ANKRD13A: variants seen among roughly 807,000 people sequenced by gnomAD.
The protein encoded by ANKRD13A is ankyrin repeat domain-containing protein 13A.
Under a neutral mutation model 81.3 loss-of-function variants are expected in ANKRD13A, and 48 were observed. That is an observed-to-expected ratio of 0.59 (90% CI 0.47 to 0.75). ANKRD13A has a LOEUF of 0.75. Among genes scored for constraint, ANKRD13A ranks in the 30% least tolerant of loss-of-function variants. The pLI, the probability that ANKRD13A is intolerant of heterozygous loss-of-function variation, is 0.00. For missense variants in ANKRD13A, 612 were observed against 734.0 expected, an observed-to-expected ratio of 0.83 and a Z score of 1.92; for synonymous variants, 230 against 270.1, an observed-to-expected ratio of 0.85 and a Z score of 1.45.
Position 110,028,519 on chromosome 12 carries a change from C to A in ANKRD13A, c.953C>A (p.Thr318Asn). 1.2e-6 allele frequency: 2 copies of A among 1,614,086 alleles called. No individual in the cohort carries two copies. Among genetic ancestry groups the A allele is most frequent in the South Asian group, 1.1e-5 (1 of 91,078 alleles). Residue 318 changes from threonine to asparagine, a missense_variant, in exon 10 of 15, where the codon ACC becomes AAC. Transcript: ENST00000261739. The part of the protein sequence containing the change: ...EHQFGAQGDL[T>N]TECATANNPT... Reference sequence around the variant, plus strand: ...TGAGTTCTGGCTCAGCAGGACCTCACCACGGAATGTGCTACTGCAAACAAC... The same window carrying A: ...TGAGTTCTGGCTCAGCAGGACCTCAACACGGAATGTGCTACTGCAAACAAC...
At chr12:110,030,543 T>C in intron 11 of ANKRD13A, 102 bp from the exon 12 acceptor site, 2 of 561,736 alleles carry the variant, frequency 3.6e-6, no homozygotes, top group South Asian at 2.6e-5. Flanking sequence ...AATAAAATTA[T>C]ACTTATCAAA....
chr12:110,003,437 G>A (rs966742451), intron 1 of ANKRD13A, among the ~76,000 whole-genome samples: 2 of 152,212 alleles, frequency 1.3e-5, no homozygotes, highest in Admixed American at 6.5e-5. Flanking sequence ...GGTCATCGGG[G>A]GTTCAAGCTC....
Position 110,038,073 on chromosome 12 carries a change from T to C in ANKRD13A, c.*519T>C, listed in dbSNP as rs1892173371. Reference sequence around the variant, plus strand: ...ACCTTTTTACAGGGTTTCTAGGACATTGTCATTATTCTTCCTCCATCTATC... The same window carrying C: ...ACCTTTTTACAGGGTTTCTAGGACACTGTCATTATTCTTCCTCCATCTATC... On this transcript the variant is annotated 3_prime_UTR_variant, in exon 15 of 15. Coordinates refer to ENST00000261739, the MANE Select transcript of ANKRD13A (RefSeq NM_033121.2). The C allele has an allele frequency of 6.6e-6, 1 of 152,640 alleles. No individual in the cohort carries two copies. Among genetic ancestry groups the C allele is most frequent in the Non-Finnish European group, 1.5e-5 (1 of 68,198 alleles). The allele number at this position is 152,640 out of a possible 1,614,324, so 9.5% of individuals were successfully genotyped here.
rs143440630 is a variant in ANKRD13A at position 110,016,919 on chromosome 12, C to T, written c.400+486C>T. Among the ~76,000 whole-genome samples, 1,254 of 152,028 alleles carry T rather than the reference C, an allele frequency of 8.2e-3. 12 individuals carry two copies. Among genetic ancestry groups the T allele is most frequent in the Non-Finnish European group, 0.014 (933 of 67,966 alleles). ...TCCTGAGTAGCTGGGATTACAGGTG[C>T]GCGCCACTGTGCCCAGCTAATCTTT... On this transcript the variant is annotated intron_variant, in intron 4 of 14. Coordinates refer to ENST00000261739, the MANE Select transcript of ANKRD13A (RefSeq NM_033121.2).
At chr12:110,010,537 A>G (rs1890465755) in intron 1 of ANKRD13A, among the ~76,000 whole-genome samples, 1 of 152,196 alleles carries the variant, frequency 6.6e-6, no homozygotes, top group Non-Finnish European at 1.5e-5. Flanking sequence ...GGAATTCTCC[A>G]TCTCTTTGGT....
chr12:110,033,795 A>G lies in ANKRD13A; in HGVS notation c.1349-2A>G. 6.3e-7 allele frequency: 1 copy of G among 1,592,614 alleles called. No individual in the cohort carries two copies. Among genetic ancestry groups the G allele is most frequent in the Non-Finnish European group, 8.6e-7 (1 of 1,167,372 alleles). The stretch of plus-strand genomic sequence containing the variant: ...ACACTGGACGGTTGCCTTTTGTTTC[A>G]GCTTCCCACATCACAAACTTTGAGG... On this transcript the variant is annotated splice_acceptor_variant, in intron 12 of 14. Coordinates refer to ENST00000261739, the MANE Select transcript of ANKRD13A (RefSeq NM_033121.2). LOFTEE classifies it high-confidence loss of function.
At chr12:110,026,824 G>A (rs1891370644) in intron 8 of ANKRD13A, among the ~76,000 whole-genome samples, 1 of 152,146 alleles carries the variant, frequency 6.6e-6, no homozygotes, top group Non-Finnish European at 1.5e-5. Context: ...GGAGGTTGCT[G>A]TGAGCCAAGA....
chr12:110,004,114 C>T (rs1192712912), intron 1 of ANKRD13A, among the ~76,000 whole-genome samples: 3 of 151,248 alleles, frequency 2.0e-5, no homozygotes, highest in Non-Finnish European at 4.4e-5. Context: ...GCCAAAATCG[C>T]ACCATTGCAC....
chr12:110,038,450 A>G lies in ANKRD13A; in HGVS notation c.*896A>G, dbSNP rs182387760. 1 of 152,598 alleles carries G rather than the reference A, an allele frequency of 6.6e-6. No homozygotes were observed. Among genetic ancestry groups the G allele is most frequent in the Non-Finnish European group, 1.5e-5 (1 of 68,044 alleles). The allele number at this position is 152,598 out of a possible 1,614,324, so 9.5% of individuals were successfully genotyped here. Reference sequence around the variant, plus strand: ...CAAACCAGGTGTGTTCTACACCTGCATGAGTGAAGGATTTCCACGTAGACA... The same window carrying G: ...CAAACCAGGTGTGTTCTACACCTGCGTGAGTGAAGGATTTCCACGTAGACA... On this transcript the variant is annotated 3_prime_UTR_variant, in exon 15 of 15. Coordinates refer to ENST00000261739, the MANE Select transcript of ANKRD13A (RefSeq NM_033121.2).
At position 110,036,116 on chromosome 12, in the gene ANKRD13A, A is replaced by G. The variant is rs1222727136; in HGVS notation, c.1510-145A>G. On this transcript the variant is annotated intron_variant, in intron 13 of 14. Coordinates refer to ENST00000261739, the MANE Select transcript of ANKRD13A (RefSeq NM_033121.2). The surrounding 1 kb of genome is among the most constrained non-coding windows in gnomAD (Gnocchi z 4.6). ...TAGGTGTTGTTTTTGAGGTAACCCA[A>G]GTCCCTGTTAGCTTTTCACACAGCA... The G allele has an allele frequency of 4.1e-6, 3 of 735,696 alleles. No individual in the cohort carries two copies. The African/African-American group carries it at 5.2e-5, about 13-fold the overall frequency. The allele number at this position is 735,696 out of a possible 1,614,324, so 45.6% of individuals were successfully genotyped here.
intron 1 of ANKRD13A, among the ~76,000 whole-genome samples, chr12:110,002,333 A>T (rs1357297619): frequency 6.6e-6 from 1 of 152,030 alleles, no homozygotes; most frequent in African/African-American, 2.4e-5. Context: ...AAAAATTCTT[A>T]AGTCCGGGCA....
Position 110,018,536 on chromosome 12 carries a change from G to A in ANKRD13A, c.544+48G>A, listed in dbSNP as rs1365387679. On this transcript the variant is annotated intron_variant, in intron 5 of 14. Coordinates refer to ENST00000261739, the MANE Select transcript of ANKRD13A (RefSeq NM_033121.2). This position sits in a 1 kb window ranked among gnomAD's most constrained non-coding sequence, Gnocchi z 4.4. ...ATCACTGCTCAAGCAAAATTACAGGGTGATTTTTAACCAAGAAAATGCTTT... is the reference window on the plus strand; with the variant it reads ...ATCACTGCTCAAGCAAAATTACAGGATGATTTTTAACCAAGAAAATGCTTT... 6.3e-7 allele frequency: 1 copy of A among 1,587,486 alleles called. No homozygotes were observed. The highest frequency in any genetic ancestry group is 8.6e-7 in the Non-Finnish European group (1 of 1,162,118).
chr12:110,033,735 T>G, intron 12 of ANKRD13A, 62 bp from the exon 13 acceptor site: 1 of 1,441,246 alleles, frequency 6.9e-7, no homozygotes, highest in Non-Finnish European at 9.2e-7. Context: ...ACAACATTTT[T>G]GCAAAAAGTT....
intron 2 of ANKRD13A, 63 bp downstream of exon 2, chr12:110,012,200 C>T (rs1046414427): frequency 1.3e-6 from 2 of 1,510,652 alleles, no homozygotes; most frequent in African/African-American, 2.8e-5. Context: ...CCTGTCTCTA[C>T]AAAAAAATAT....
chr12:109,999,498 T>G lies in ANKRD13A; in HGVS notation c.-191T>G, dbSNP rs1438378325. 3.3e-6 allele frequency: 1 copy of G among 300,082 alleles called. No individual in the cohort carries two copies. Among genetic ancestry groups the G allele is most frequent in the Non-Finnish European group, 6.0e-6 (1 of 165,420 alleles). The allele number at this position is 300,082 out of a possible 1,614,324, so 18.6% of individuals were successfully genotyped here. ...GGGCGCGGGGTGGGCGCGGCCGACC[T>G]GGTCCCTGAGCCGGCCGGCGACCCC... On this transcript the variant is annotated 5_prime_UTR_variant, in exon 1 of 15. Coordinates refer to ENST00000261739, the MANE Select transcript of ANKRD13A (RefSeq NM_033121.2). The surrounding 1 kb of genome is among the most constrained non-coding windows in gnomAD (Gnocchi z 4.3).
In ANKRD13A at chr12:110,018,499, T is replaced by C. The variant is rs1217101813; in HGVS notation, c.544+11T>C. 1.2e-6 allele frequency: 2 copies of C among 1,611,654 alleles called. No individual in the cohort carries two copies. Among genetic ancestry groups the C allele is most frequent in the East Asian group, 4.5e-5 (2 of 44,822 alleles). On this transcript the variant is annotated intron_variant, in intron 5 of 14. Transcript: ENST00000261739. This position sits in a 1 kb window ranked among gnomAD's most constrained non-coding sequence, Gnocchi z 4.4. Reference sequence around the variant, plus strand: ...TATTTAAGGGAGAAGGTGAGTGACTTCTCTTGTAGTAATCACTGCTCAAGC... The same window carrying C: ...TATTTAAGGGAGAAGGTGAGTGACTCCTCTTGTAGTAATCACTGCTCAAGC...
intron 1 of ANKRD13A, among the ~76,000 whole-genome samples, chr12:110,002,570 C>G (rs765577910): frequency 6.6e-6 from 1 of 152,112 alleles, no homozygotes; most frequent in Non-Finnish European, 1.5e-5. Flanking sequence ...GAGCCAAGAT[C>G]GTGCCACTGC....
intron 7 of ANKRD13A, among the ~76,000 whole-genome samples, chr12:110,025,182 C>G (rs1461819426): frequency 6.6e-6 from 1 of 152,010 alleles, no homozygotes; most frequent in African/African-American, 2.4e-5. Flanking sequence ...ATGGTGAAAC[C>G]CCGTCTCTAC....
At chr12:110,020,845 T>A (rs1891041725) in intron 6 of ANKRD13A, among the ~76,000 whole-genome samples, 1 of 152,244 alleles carries the variant, frequency 6.6e-6, no homozygotes. Flanking sequence ...TCCAGTTTTC[T>A]GTTTCCTTAG....
Sources: allele counts gnomAD v4.1 joint callset (sites outside exome capture counted in the v4.1 genomes callset), GRCh38; gene constraint gnomAD v4.1.1; non-coding constraint Gnocchi (gnomAD v3.1); transcripts MANE v1.5; gene names NCBI Gene and HGNC (gene_info 2026-07-23, HGNC 2026-07-21).